RBFOX2: variants seen among roughly 807,000 people sequenced by gnomAD.
RBFOX2 encodes the protein RNA binding protein fox-1 homolog 2.
Under a neutral mutation model 49.1 loss-of-function variants are expected in RBFOX2, and 10 were observed. That is an observed-to-expected ratio of 0.20 (90% CI 0.13 to 0.35). The LOEUF is 0.35. RBFOX2 is among the 10% of genes least tolerant of loss of function. RBFOX2 has a pLI of 1.00. For synonymous variants in RBFOX2, 183 were observed against 187.4 expected (o/e 0.98, Z 0.19); for missense variants, 323 against 486.9 (o/e 0.66, Z 3.17).
chr22:35,862,151 A>G (rs1000590713), intron 1 of RBFOX2, among the ~76,000 whole-genome samples: 3 of 152,180 alleles, frequency 2.0e-5, no homozygotes, highest in South Asian at 2.1e-4. Flanking sequence ...TGGGAGCACT[A>G]CAAAGGGGCA....
At chr22:35,871,663 C>T (rs545828427) in intron 1 of RBFOX2, among the ~76,000 whole-genome samples, 1 of 152,038 alleles carries the variant, frequency 6.6e-6, no homozygotes, top group Non-Finnish European at 1.5e-5. Flanking sequence ...TACCATCAAA[C>T]TCAAAGCAAA....
At chr22:35,889,510 C>A (rs1366746992) in intron 1 of RBFOX2, among the ~76,000 whole-genome samples, 3 of 152,168 alleles carry the variant, frequency 2.0e-5, no homozygotes, top group Non-Finnish European at 4.4e-5. Flanking sequence ...TTCCCTCCAG[C>A]CCATTCTATC....
chr22:35,824,743 T>C (rs1971737276), intron 1 of RBFOX2, among the ~76,000 whole-genome samples: 1 of 152,196 alleles, frequency 6.6e-6, no homozygotes, highest in South Asian at 2.1e-4. Flanking sequence ...GTAATGAAAA[T>C]GTTTGTAGTT....
upstream of RBFOX2, among the ~76,000 whole-genome samples, chr22:35,964,115 T>C (rs2056421028): frequency 6.6e-6 from 1 of 152,128 alleles, no homozygotes; most frequent in Non-Finnish European, 1.5e-5. Context: ...TGACCATGGT[T>C]ATATACTCAT....
intron 2 of RBFOX2, among the ~76,000 whole-genome samples, chr22:35,802,827 A>C (rs1950024775): frequency 6.6e-6 from 1 of 152,186 alleles, no homozygotes; most frequent in Non-Finnish European, 1.5e-5. Context: ...GTGGCTGTGA[A>C]ACTACATGGA....
chr22:35,765,622 T>C lies in RBFOX2; in HGVS notation c.547-139A>G, dbSNP rs1369259711. On this transcript the variant is annotated intron_variant, in intron 5 of 11. Coordinates refer to ENST00000405409, the Ensembl canonical transcript of RBFOX2. ...GTGATTTAAATAATTAACACAGCAATATAAAATATTAATATATAGTATTTT... is the reference window on the plus strand; with the variant it reads ...GTGATTTAAATAATTAACACAGCAACATAAAATATTAATATATAGTATTTT... 5.8e-5 allele frequency: 25 copies of C among 427,462 alleles called. No homozygotes were observed. In the East Asian group the frequency reaches 9.2e-4, roughly 16 times the overall value. 26.5% of individuals were successfully genotyped at this position (427,462 alleles called of 1,614,324 possible).
chr22:35,923,308 G>T (rs1224287327), intron 1 of RBFOX2, among the ~76,000 whole-genome samples: 1 of 152,116 alleles, frequency 6.6e-6, no homozygotes, highest in African/African-American at 2.4e-5. Flanking sequence ...CCTTATGGGG[G>T]AAAGGGCTCC....
At chr22:35,741,430 G>A (rs1362074127) in exon 12 of RBFOX2, 5 of 152,240 alleles carry the variant, frequency 3.3e-5, no homozygotes, top group Non-Finnish European at 7.3e-5. Context: ...CCAGAGTCAG[G>A]AACAGACAAG....
At chr22:35,789,038 G>A (rs1453402399) in intron 2 of RBFOX2, among the ~76,000 whole-genome samples, 4 of 151,750 alleles carry the variant, frequency 2.6e-5, no homozygotes, top group East Asian at 1.9e-4. Flanking sequence ...AAACCTTTGC[G>A]GCCAAATGCT....
At chr22:35,791,964 T>C (rs1947762997) in intron 2 of RBFOX2, among the ~76,000 whole-genome samples, 1 of 152,192 alleles carries the variant, frequency 6.6e-6, no homozygotes, top group South Asian at 2.1e-4. Flanking sequence ...GATATTTCTA[T>C]TAACTGCTCA....
At chr22:35,889,036 C>A (rs1318931749) in intron 1 of RBFOX2, among the ~76,000 whole-genome samples, 2 of 152,040 alleles carry the variant, frequency 1.3e-5, no homozygotes, top group Non-Finnish European at 2.9e-5. Context: ...TGCCTGTAAT[C>A]CCAGCTACCT....
intron 1 of RBFOX2, among the ~76,000 whole-genome samples, chr22:35,888,385 C>A (rs957482285): frequency 2.0e-5 from 3 of 152,188 alleles, no homozygotes; most frequent in African/African-American, 7.2e-5. Flanking sequence ...GTGAGAACAT[C>A]AAGGTTCCGT....
intron 9 of RBFOX2, chr22:35,756,105 A>G (rs1456473573): frequency 2.0e-6 from 3 of 1,471,012 alleles, no homozygotes; most frequent in Admixed American, 2.2e-5. Context: ...GTGTACTTAC[A>G]TAGAGGTCAG....
At position 35,926,268 on chromosome 22, in the gene RBFOX2, C is replaced by T. The variant is rs777815664; in HGVS notation, c.-34+12579G>A. On this transcript the variant is annotated intron_variant, in intron 1 of 13. Transcript: ENST00000359369. The stretch of plus-strand genomic sequence containing the variant: ...CCATCGATTGCTTGGTAGTACTAAC[C>T]GCTACAGCAAGAATATCCCTACTAA... 3.3e-5 allele frequency among the ~76,000 whole-genome samples: 5 copies of T among 152,156 alleles called. 1 individual carries two copies. Among genetic ancestry groups the T allele is most frequent in the South Asian group, 4.1e-4 (2 of 4,824 alleles).
At position 35,881,500 on chromosome 22, in the gene RBFOX2, T is replaced by C. The variant is rs1247705991; in HGVS notation, c.-34+57347A>G. On this transcript the variant is annotated intron_variant, in intron 1 of 13. Transcript: ENST00000359369. ...GAGGGGCTAAGGAAGGAGGATAGCT[T>C]GAATCCAGGAGATTGAGACTGCACT... 3.3e-5 allele frequency among the ~76,000 whole-genome samples: 5 copies of C among 150,750 alleles called. No individual in the cohort carries two copies. In the East Asian group the frequency reaches 9.8e-4, roughly 30 times the overall value.
chr22:36,015,167 C>T (rs1214938185), intron 1 of RBFOX2, among the ~76,000 whole-genome samples: 1 of 152,170 alleles, frequency 6.6e-6, no homozygotes, highest in African/African-American at 2.4e-5. Flanking sequence ...TGGATGATAT[C>T]AAAATTTGCC....
chr22:35,870,518 A>G (rs1287710830), intron 1 of RBFOX2, among the ~76,000 whole-genome samples: 1 of 152,220 alleles, frequency 6.6e-6, no homozygotes, highest in African/African-American at 2.4e-5. Context: ...GTCATGTGAT[A>G]ATCAAAATAC....
Position 36,018,365 on chromosome 22 carries a change from G to A in RBFOX2, c.186+9875C>T, listed in dbSNP as rs530151692. ...TTATTAAAGATTGAGCCTTACAAATGTGGGGGTAGAAGAGATGAAGCAGGA... is the reference window on the plus strand; with the variant it reads ...TTATTAAAGATTGAGCCTTACAAATATGGGGGTAGAAGAGATGAAGCAGGA... On this transcript the variant is annotated intron_variant, in intron 1 of 13. Transcript: ENST00000438146. Among the ~76,000 whole-genome samples the A allele has an allele frequency of 4.6e-5, 7 of 152,330 alleles. No homozygotes were observed. The South Asian group carries it at 1.4e-3, about 32-fold the overall frequency.
intron 1 of RBFOX2, among the ~76,000 whole-genome samples, chr22:35,895,203 A>G (rs2047694428): frequency 6.6e-6 from 1 of 152,136 alleles, no homozygotes; most frequent in African/African-American, 2.4e-5. Flanking sequence ...TTCTACTTCT[A>G]GAAACACAAT....
Sources: allele counts gnomAD v4.1 joint callset (sites outside exome capture counted in the v4.1 genomes callset), GRCh38; gene constraint gnomAD v4.1.1; transcripts MANE v1.5; gene names NCBI Gene and HGNC (gene_info 2026-07-23, HGNC 2026-07-21).